Variants in LMBR1 observed in about 807,000 individuals in gnomAD.
LMBR1 encodes the protein limb region 1 protein homolog.
In LMBR1, 52 loss-of-function variants were observed where a neutral mutation model predicts 73.9. That is an observed-to-expected ratio of 0.70 (90% confidence interval 0.56 to 0.89). The LOEUF is 0.89. Among genes scored for constraint, LMBR1 ranks in the 40% least tolerant of loss-of-function variants. The pLI, the probability that LMBR1 is intolerant of heterozygous loss-of-function variation, is 0.00. For synonymous variants in LMBR1, 215 were observed against 209.4 expected (o/e 1.03, Z -0.23); for missense variants, 539 against 579.8 (o/e 0.93, Z 0.72).
chr7:156,680,163 C>T lies in LMBR1; in HGVS notation c.*3915G>A, dbSNP rs1322783918. On this transcript the variant is annotated 3_prime_UTR_variant, in exon 17 of 17. Transcript: ENST00000353442. The stretch of plus-strand genomic sequence containing the variant: ...ATTCAAAAACCAAAAAAAAAAAAAA[C>T]TCCAAAAAGGTCTTTGTATTATTTC... 6.8e-6 allele frequency: 1 copy of T among 147,086 alleles called. No individual in the cohort carries two copies. The highest frequency in any genetic ancestry group is 6.7e-5 in the Admixed American group (1 of 14,834). 9.1% of individuals were successfully genotyped at this position (147,086 alleles called of 1,614,324 possible). A position where few individuals can be genotyped will look rare whatever the true frequency, so the allele number is the denominator to read the frequency against.
intron 4 of LMBR1, among the ~76,000 whole-genome samples, chr7:156,810,955 C>T (rs1257885441): frequency 6.6e-6 from 1 of 151,070 alleles, no homozygotes; most frequent in Non-Finnish European, 1.5e-5. Flanking sequence ...AGTCTACAGG[C>T]ATGCACCACC....
chr7:156,776,610 C>T (rs899736412), intron 5 of LMBR1, among the ~76,000 whole-genome samples: 10 of 152,168 alleles, frequency 6.6e-5, no homozygotes, highest in African/African-American at 1.2e-4. Flanking sequence ...GCCTCCACAT[C>T]CTCAGAACCT....
At position 156,892,959 on chromosome 7, in the gene LMBR1, T is replaced by G; in HGVS notation, c.35A>C (p.Gln12Pro). 6.5e-7 allele frequency: 1 copy of G among 1,543,900 alleles called. No homozygotes were observed. The highest frequency in any genetic ancestry group is 8.7e-7 in the Non-Finnish European group (1 of 1,152,480). Residue 12 changes from glutamine to proline, a missense_variant, in exon 1 of 17, where the codon CAG (glutamine) becomes CCG (proline). This residue lies in a region of LMBR1 where 454 missense variants were observed against 473.4 expected (regional missense o/e 0.96). Transcript: ENST00000353442. The part of the protein sequence containing the change: ...EGQDEVSARE[Q>P]HFHSQVREST... The stretch of plus-strand genomic sequence containing the variant: ...CTCCCGCACTTGGCTGTGGAAGTGC[T>G]GCTCCCGCGCCGACACCTCGTCCTG...
intron 1 of LMBR1, among the ~76,000 whole-genome samples, chr7:156,880,802 G>A (rs1056251913): frequency 4.6e-5 from 7 of 152,104 alleles, no homozygotes; most frequent in East Asian, 1.9e-4. Flanking sequence ...ACAGGCATGC[G>A]CCACCACGCC....
intron 15 of LMBR1, among the ~76,000 whole-genome samples, chr7:156,700,472 A>T (rs1809418707): frequency 6.6e-6 from 1 of 152,156 alleles, no homozygotes; most frequent in South Asian, 2.1e-4. Context: ...GCAGCACACC[A>T]ACATGGCACG....
At chr7:156,760,417 T>G (rs968676208) in intron 8 of LMBR1, among the ~76,000 whole-genome samples, 1 of 152,212 alleles carries the variant, frequency 6.6e-6, no homozygotes, top group Admixed American at 6.5e-5. Flanking sequence ...TTTTCCTCAT[T>G]AGAATTAGGC....
chr7:156,808,282 C>A (rs1416002855), intron 4 of LMBR1, among the ~76,000 whole-genome samples: 1 of 152,110 alleles, frequency 6.6e-6, no homozygotes, highest in Non-Finnish European at 1.5e-5. Context: ...TGTCATTAGG[C>A]AGATATATGC....
At position 156,859,672 on chromosome 7, in the gene LMBR1, G is replaced by T. The variant is rs796654807; in HGVS notation, c.67-22787C>A. On this transcript the variant is annotated intron_variant, in intron 1 of 16. Coordinates refer to ENST00000353442, the MANE Select transcript of LMBR1 (RefSeq NM_022458.4). ...TAAAAATATCTAAATTAATGGAGAGGTATTCCACATTCACAGAAGGAAGAT... is the reference window on the plus strand; with the variant it reads ...TAAAAATATCTAAATTAATGGAGAGTTATTCCACATTCACAGAAGGAAGAT... Among the ~76,000 whole-genome samples, 68 of 152,184 alleles carry T rather than the reference G, an allele frequency of 4.5e-4. 1 individual carries two copies. Among genetic ancestry groups the T allele is most frequent in the African/African-American group, 1.6e-3 (68 of 41,536 alleles).
chr7:156,834,049 C>T (rs147467027), intron 2 of LMBR1, among the ~76,000 whole-genome samples: 26 of 152,106 alleles, frequency 1.7e-4, no homozygotes, highest in African/African-American at 6.3e-4. Context: ...TTAAAATTTG[C>T]TCAAGAAAAT....
At chr7:156,838,745 T>C (rs1838116188) in intron 1 of LMBR1, among the ~76,000 whole-genome samples, 1 of 152,200 alleles carries the variant, frequency 6.6e-6, no homozygotes. Context: ...GCAGAAGTAC[T>C]GCTGGGTCAT....
intron 9 of LMBR1, among the ~76,000 whole-genome samples, chr7:156,741,036 T>C (rs1357331881): frequency 1.3e-5 from 2 of 151,892 alleles, no homozygotes; most frequent in African/African-American, 4.8e-5. Context: ...AGAGTCTGTA[T>C]TAGTTTTCTT....
chr7:156,789,543 G>T (rs568799251), intron 5 of LMBR1, among the ~76,000 whole-genome samples: 1 of 152,064 alleles, frequency 6.6e-6, no homozygotes, highest in African/African-American at 2.4e-5. Context: ...GTAAATTAAT[G>T]TACCAAGGTT....
intron 15 of LMBR1, among the ~76,000 whole-genome samples, chr7:156,709,827 A>G (rs1811697189): frequency 6.6e-6 from 1 of 151,682 alleles, no homozygotes; most frequent in Non-Finnish European, 1.5e-5. Context: ...AGATCACACT[A>G]GCTCCCTAGC....
Position 156,678,999 on chromosome 7 carries a change from T to G in LMBR1, c.*5079A>C, listed in dbSNP as rs531660953. On this transcript the variant is annotated 3_prime_UTR_variant, in exon 17 of 17. Coordinates refer to ENST00000353442, the MANE Select transcript of LMBR1 (RefSeq NM_022458.4). Reference sequence around the variant, plus strand: ...TCATGAATCTTTATCAACCAGATAATAGAACTGTAAGGTACATGAATGAAC... The same window carrying G: ...TCATGAATCTTTATCAACCAGATAAGAGAACTGTAAGGTACATGAATGAAC... The G allele has an allele frequency of 1.3e-5, 2 of 152,092 alleles. No homozygotes were observed. The highest frequency in any genetic ancestry group is 4.8e-5 in the African/African-American group (2 of 41,400). 9.4% of individuals were successfully genotyped at this position (152,092 alleles called of 1,614,324 possible). A position where few individuals can be genotyped will look rare whatever the true frequency, so the allele number is the denominator to read the frequency against.
At chr7:156,760,077 G>A (rs1822686851) in intron 8 of LMBR1, among the ~76,000 whole-genome samples, 1 of 152,160 alleles carries the variant, frequency 6.6e-6, no homozygotes, top group Non-Finnish European at 1.5e-5. Context: ...GATGGAGCAG[G>A]TGACCAGCGA....
At chr7:156,761,904 G>C (rs1386815342) in intron 8 of LMBR1, among the ~76,000 whole-genome samples, 1 of 149,816 alleles carries the variant, frequency 6.7e-6, no homozygotes, top group Non-Finnish European at 1.5e-5. Context: ...GTGAACCCAG[G>C]GGGCGGAGCC....
chr7:156,806,639 T>A (rs1832169574), intron 4 of LMBR1, among the ~76,000 whole-genome samples: 1 of 124,486 alleles, frequency 8.0e-6, no homozygotes, highest in East Asian at 2.7e-4. Flanking sequence ...AGACGGAGTC[T>A]CACTCTGTCG....
At chr7:156,797,032 A>C (rs1330873212) in intron 4 of LMBR1, among the ~76,000 whole-genome samples, 1 of 152,250 alleles carries the variant, frequency 6.6e-6, no homozygotes, top group Non-Finnish European at 1.5e-5. Flanking sequence ...TACTGCCCCA[A>C]GATGACAGAA....
At chr7:156,767,485 T>C (rs778817859) in intron 5 of LMBR1, among the ~76,000 whole-genome samples, 2 of 151,948 alleles carry the variant, frequency 1.3e-5, no homozygotes, top group Non-Finnish European at 2.9e-5. Flanking sequence ...AAAGAAAAAA[T>C]TCCATTTTAA....
Sources: allele counts gnomAD v4.1 joint callset (sites outside exome capture counted in the v4.1 genomes callset), GRCh38; gene constraint gnomAD v4.1.1; regional missense constraint gnomAD v4.1.1; transcripts MANE v1.5; gene names NCBI Gene and HGNC (gene_info 2026-07-23, HGNC 2026-07-21).